PTPRN2: variants seen among roughly 807,000 people sequenced by gnomAD.
The protein encoded by PTPRN2 is protein tyrosine phosphatase receptor type N2.
PTPRN2 carries 74 observed loss-of-function variants against 118.8 expected under a neutral mutation model. The observed-to-expected ratio is 0.62, with a 90% CI of 0.52 to 0.76. PTPRN2 has a LOEUF of 0.76. PTPRN2 is among the 30% of genes least tolerant of loss of function. The probability of loss-of-function intolerance (pLI) is 0.00; values close to 1 mark genes in which losing one functional copy is unlikely to be tolerated. For missense variants in PTPRN2, 1,481 were observed against 1,394.4 expected, an observed-to-expected ratio of 1.06 and a Z score of -0.99; for synonymous variants, 641 against 608.0, an observed-to-expected ratio of 1.05 and a Z score of -0.80.
At chr7:158,115,765 A>C (rs557384514) in intron 9 of PTPRN2, among the ~76,000 whole-genome samples, 13 of 152,210 alleles carry the variant, frequency 8.5e-5, no homozygotes, top group Non-Finnish European at 1.6e-4. Flanking sequence ...TTGTTATAGC[A>C]CTGCGAGTGG....
At chr7:157,851,361 T>C (rs73746662) in intron 12 of PTPRN2, among the ~76,000 whole-genome samples, 4,869 of 152,282 alleles carry the variant, frequency 0.032, 262 homozygotes, top group African/African-American at 0.11. Flanking sequence ...CAAATATGGC[T>C]CATGAATAAA....
rs1312291763 is a variant in PTPRN2 at position 157,845,039 on chromosome 7, C to T, written c.1788+53634G>A. On this transcript the variant is annotated intron_variant, in intron 12 of 22. Transcript: ENST00000389418. This position sits in a 1 kb window ranked among gnomAD's most constrained non-coding sequence, Gnocchi z 4.5. Reference sequence around the variant, plus strand: ...CACCTGGTGACACCTGCCTTATCTTCCAGGGTTTGCCCTTGGTGTAGAGAT... The same window carrying T: ...CACCTGGTGACACCTGCCTTATCTTTCAGGGTTTGCCCTTGGTGTAGAGAT... 6.6e-6 allele frequency among the ~76,000 whole-genome samples: 1 copy of T among 151,952 alleles called. No individual in the cohort carries two copies. Among genetic ancestry groups the T allele is most frequent in the Non-Finnish European group, 1.5e-5 (1 of 67,994 alleles).
chr7:157,559,557 T>C (rs1206492102), intron 21 of PTPRN2, among the ~76,000 whole-genome samples: 1 of 152,022 alleles, frequency 6.6e-6, no homozygotes, highest in African/African-American at 2.4e-5. Flanking sequence ...AACCAGGCTG[T>C]GAGCAAGATG....
At chr7:158,071,597 C>CGTGGTGGTGGAGATG (rs1563392281) in intron 11 of PTPRN2, among the ~76,000 whole-genome samples, 7 of 22,994 alleles carry the variant, frequency 3.0e-4, no homozygotes, top group Admixed American at 1.1e-3. Flanking sequence ...TGGAGGTGCT[C>CGTGGTGGTGGAGATG]CTGGTGGAGG....
At chr7:158,211,933 G>A (rs1034802981) in intron 3 of PTPRN2, among the ~76,000 whole-genome samples, 2 of 152,158 alleles carry the variant, frequency 1.3e-5, no homozygotes, top group African/African-American at 4.8e-5. Flanking sequence ...TTGCAGCACT[G>A]TTAACAACAG....
At chr7:158,160,232 G>A (rs568877957) in intron 6 of PTPRN2, among the ~76,000 whole-genome samples, 75 of 152,334 alleles carry the variant, frequency 4.9e-4, no homozygotes, top group Middle Eastern at 6.8e-3. Context: ...TCTGGGAGGT[G>A]TCTCCAGGGA....
rs1183216113 is a variant in PTPRN2 at position 157,651,999 on chromosome 7, G to A, written c.2196+4358C>T. Among the ~76,000 whole-genome samples, 5 of 152,234 alleles carry A rather than the reference G, an allele frequency of 3.3e-5. No homozygotes were observed. The South Asian group carries it at 6.2e-4, about 19-fold the overall frequency. The stretch of plus-strand genomic sequence containing the variant: ...GGGGCACGGACTGCACCTTCCCTGC[G>A]CCTGGGAGGCCCATTTTCCAGGAAC... On this transcript the variant is annotated intron_variant, in intron 14 of 22. Transcript: ENST00000389418.
chr7:158,166,635 A>C lies in PTPRN2; in HGVS notation c.910+296T>G, dbSNP rs941980015. On this transcript the variant is annotated intron_variant, in intron 6 of 22. Transcript: ENST00000389418. ...TCCCCTCCCACTGGCCGCTGTGTTC[A>C]CTGTCCTCACACCCTCAGCAGCGCC... 3.3e-3 allele frequency among the ~76,000 whole-genome samples: 452 copies of C among 137,922 alleles called. 21 individuals are homozygous for C. In the East Asian group the frequency reaches 0.093, roughly 28 times the overall value. The allele number at this position is 137,922 out of a possible 152,430, so 90.5% of individuals were successfully genotyped here.
chr7:158,440,978 AGTGGTGG>A (rs1817015259), intron 2 of PTPRN2, among the ~76,000 whole-genome samples: 1 of 107,430 alleles, frequency 9.3e-6, no homozygotes, highest in Non-Finnish European at 1.9e-5. Context: ...TGTTGGTGGT[AGTGGTGG>A]TGGTGATGGC....
rs143986769 is a variant in PTPRN2 at position 158,574,468 on chromosome 7, C to T, written c.112+13090G>A. 2.8e-3 allele frequency among the ~76,000 whole-genome samples: 431 copies of T among 152,118 alleles called. 3 individuals carry two copies. Among genetic ancestry groups the T allele is most frequent in the African/African-American group, 9.6e-3 (400 of 41,480 alleles). Reference sequence around the variant, plus strand: ...AATAAATGCACATTTCTGTTGGTGGCGCCATCAGACACTGAGACACTGAGA... The same window carrying T: ...AATAAATGCACATTTCTGTTGGTGGTGCCATCAGACACTGAGACACTGAGA... On this transcript the variant is annotated intron_variant, in intron 1 of 22. Transcript: ENST00000389418. The surrounding 1 kb of genome is among the most constrained non-coding windows in gnomAD (Gnocchi z 4.6).
At chr7:158,058,781 G>A (rs1300266111) in intron 11 of PTPRN2, among the ~76,000 whole-genome samples, 1 of 107,226 alleles carries the variant, frequency 9.3e-6, no homozygotes, top group Admixed American at 8.5e-5. Context: ...AGACATCACT[G>A]CAGCCACACT....
chr7:158,095,868 G>A (rs536229912), intron 10 of PTPRN2, among the ~76,000 whole-genome samples: 20 of 152,268 alleles, frequency 1.3e-4, no homozygotes, highest in African/African-American at 3.6e-4. Flanking sequence ...GTGAGCCGCC[G>A]CACCAGGCCA....
Position 157,702,690 on chromosome 7 carries a change from G to A in PTPRN2, c.1789-19753C>T, listed in dbSNP as rs548537494. 1.1e-3 allele frequency among the ~76,000 whole-genome samples: 171 copies of A among 152,366 alleles called. 6 individuals carry two copies. In the South Asian group the frequency reaches 0.035, roughly 31 times the overall value. On this transcript the variant is annotated intron_variant, in intron 12 of 22. Coordinates refer to ENST00000389418, the MANE Select transcript of PTPRN2 (RefSeq NM_002847.5). ...AGCTCAGCTCACTGTTTCATCTGTT[G>A]ATCAGTCTACAGGTCCAGGGTTTTA...
Position 158,137,147 on chromosome 7 carries a change from G to A in PTPRN2, c.1133-452C>T, listed in dbSNP as rs181357481. Among the ~76,000 whole-genome samples the A allele has an allele frequency of 3.5e-3, 530 of 152,224 alleles. 3 individuals are homozygous for A. The highest frequency in any genetic ancestry group is 5.4e-3 in the Non-Finnish European group (367 of 68,018). ...CTAAATAGGTACCCCGGCTGGGCGC[G>A]GTGGCTCACGCCTGTAATCCCAGCA... On this transcript the variant is annotated intron_variant, in intron 7 of 22. Coordinates refer to ENST00000389418, the MANE Select transcript of PTPRN2 (RefSeq NM_002847.5).
In PTPRN2 at chr7:157,877,678, T is replaced by G. The variant is rs931691766; in HGVS notation, c.1788+20995A>C. 1.6e-4 allele frequency among the ~76,000 whole-genome samples: 25 copies of G among 152,104 alleles called. 1 individual carries two copies. Among genetic ancestry groups the G allele is most frequent in the Admixed American group, 1.4e-3 (22 of 15,274 alleles). ...GGGTCTTGGTGGGTGGTGCAGAAGGTGTTCCTAACAGTGGGCTGGGGAACA... is the reference window on the plus strand; with the variant it reads ...GGGTCTTGGTGGGTGGTGCAGAAGGGGTTCCTAACAGTGGGCTGGGGAACA... On this transcript the variant is annotated intron_variant, in intron 12 of 22. Transcript: ENST00000389418.
intron 12 of PTPRN2, among the ~76,000 whole-genome samples, chr7:157,698,841 G>A (rs1425449373): frequency 6.6e-6 from 1 of 152,156 alleles, no homozygotes; most frequent in East Asian, 1.9e-4. Flanking sequence ...TATATATATT[G>A]TATTTTCATA....
chr7:157,554,922 A>G (rs552855636), intron 21 of PTPRN2, among the ~76,000 whole-genome samples: 1 of 149,246 alleles, frequency 6.7e-6, no homozygotes, highest in South Asian at 2.1e-4. Context: ...TCGGGAATCT[A>G]CAGGGAAGTG....
At chr7:158,054,125 A>G (rs978501700) in intron 11 of PTPRN2, among the ~76,000 whole-genome samples, 21 of 152,092 alleles carry the variant, frequency 1.4e-4, no homozygotes, top group Non-Finnish European at 1.6e-4. Flanking sequence ...AGATGCAGAG[A>G]CCCTAGAGAG....
At chr7:158,188,143 C>T (rs938988174) in intron 5 of PTPRN2, among the ~76,000 whole-genome samples, 2 of 151,982 alleles carry the variant, frequency 1.3e-5, no homozygotes, top group African/African-American at 2.4e-5. Context: ...AGGCAGCCAC[C>T]ACGCTCGCCC....
Sources: gnomAD v4.1 joint callset for allele counts (sites outside exome capture counted in the v4.1 genomes callset) on GRCh38, gnomAD v4.1.1 for gene constraint, Gnocchi (gnomAD v3.1) non-coding constraint, MANE v1.5 for transcripts, NCBI Gene and HGNC (gene_info 2026-07-23, HGNC 2026-07-21) for gene names.